ZNF836: variants seen among roughly 807,000 people sequenced by gnomAD.
ZNF836 encodes the protein zinc finger protein 836.
Under a neutral mutation model 7.4 loss-of-function variants are expected in ZNF836, and 12 were observed. The observed-to-expected ratio is 1.61, with a 90% CI of 1.03 to 2.61. The LOEUF is 2.61. ZNF836 is among the 30% of genes most tolerant of loss of function. The pLI is 0.00. For missense variants in ZNF836, 998 were observed against 1,126.2 expected, an observed-to-expected ratio of 0.89 and a Z score of 1.63; for synonymous variants, 365 against 382.6, an observed-to-expected ratio of 0.95 and a Z score of 0.54.
chr19:52,155,766 T>C lies in ZNF836; in HGVS notation c.1917A>G (p.Gln639=), dbSNP rs1446050233. 25 of 1,614,000 alleles carry C rather than the reference T, an allele frequency of 1.5e-5. No individual in the cohort carries two copies. The highest frequency in any genetic ancestry group is 2.1e-5 in the Non-Finnish European group (25 of 1,179,970). Residue 639 remains glutamine (Q), a synonymous_variant, in exon 5 of 5, where the codon CAA becomes CAG. Coordinates refer to ENST00000682614, the MANE Select transcript of ZNF836 (RefSeq NM_001102657.3). ...KRIHTGEKPF[Q]CNECGKVFSY... ...TGAAAACCTTGCCGCATTCGTTACA[T>C]TGAAACGGCTTCTCTCCAGTATGAA...
intron 3 of ZNF836, among the ~76,000 whole-genome samples, chr19:52,167,130 G>A (rs531409880): frequency 1.3e-5 from 2 of 151,888 alleles, no homozygotes; most frequent in South Asian, 4.2e-4. Flanking sequence ...GACGGATACA[G>A]TGACAATGGC....
chr19:52,166,531 T>C (rs2089265251), intron 3 of ZNF836, among the ~76,000 whole-genome samples: 1 of 151,474 alleles, frequency 6.6e-6, no homozygotes, highest in South Asian at 2.1e-4. Context: ...ATTTCATATA[T>C]AATAAAATAT....
chr19:52,163,120 G>C (rs1191602840), intron 3 of ZNF836, among the ~76,000 whole-genome samples: 1 of 152,128 alleles, frequency 6.6e-6, no homozygotes, highest in Non-Finnish European at 1.5e-5. Context: ...TCAAGGCCCT[G>C]GCACTCTGGA....
At chr19:52,168,220 C>A in intron 2 of ZNF836, 68 bp from the exon 3 acceptor site, 1 of 1,044,654 alleles carries the variant, frequency 9.6e-7, no homozygotes, top group East Asian at 2.5e-5. Flanking sequence ...ACAACCATGC[C>A]CACAGGGAAG....
intron 3 of ZNF836, among the ~76,000 whole-genome samples, chr19:52,164,376 G>A (rs11669583): frequency 0.41 from 59,045 of 143,878 alleles, 12,577 homozygotes; most frequent in African/African-American, 0.51. Flanking sequence ...CCGGGCAACA[G>A]GAGTGAAACT....
Position 52,156,189 on chromosome 19 carries a change from G to A in ZNF836, c.1494C>T (p.Tyr498=). 6.2e-7 allele frequency: 1 copy of A among 1,614,158 alleles called. No individual in the cohort carries two copies. The highest frequency in any genetic ancestry group is 1.3e-5 in the African/African-American group (1 of 75,032). ...HRRIHTGEKP[Y]KCDKCGKAFK... The stretch of plus-strand genomic sequence containing the variant: ...AGGCTTTACCACATTTATCACATTT[G>A]TAAGGTTTCTCTCCAGTATGAATTC... Residue 498 remains tyrosine (Y), a synonymous_variant, in exon 5 of 5, where the codon TAC becomes TAT. Transcript: ENST00000682614.
Position 52,155,934 on chromosome 19 carries a change from T to A in ZNF836, c.1749A>T (p.Gln583His). 6.2e-7 allele frequency: 1 copy of A among 1,614,024 alleles called. No individual in the cohort carries two copies. The highest frequency in any genetic ancestry group is 8.5e-7 in the Non-Finnish European group (1 of 1,179,898). ...KRIHTGEKPF[Q>H]CNECGTVFRN... ...TGAAGACTGTGCCACATTCATTACATTGGAAAGGTTTCTCTCCCGTATGTA... is the reference window on the plus strand; with the variant it reads ...TGAAGACTGTGCCACATTCATTACAATGGAAAGGTTTCTCTCCCGTATGTA... Residue 583 changes from glutamine (Q) to histidine (H), a missense_variant, in exon 5 of 5, where the codon CAA (glutamine) becomes CAT (histidine). By Grantham distance (24) the Gln-to-His change is conservative. Transcript: ENST00000682614.
chr19:52,168,273 C>G (rs2089282809), intron 2 of ZNF836, 121 bp from the exon 3 acceptor site: 1 of 593,702 alleles, frequency 1.7e-6, no homozygotes, highest in Non-Finnish European at 2.9e-6. Flanking sequence ...CAGGGGGATG[C>G]AAGGATAATA....
rs777631862 is a variant in ZNF836 at position 52,156,938 on chromosome 19, T to C, written c.745A>G (p.Asn249Asp). ...VHTTEKPYKCNECGKAFHRGS... is the reference protein window; with the variant it reads ...VHTTEKPYKCDECGKAFHRGS... The stretch of plus-strand genomic sequence containing the variant: ...CGATGAAAGGCTTTGCCACATTCAT[T>C]GCATTTGTAAGGTTTCTCTGTAGTA... Residue 249 changes from asparagine to aspartate, a missense_variant, in exon 5 of 5, where the codon AAT becomes GAT. Physicochemically the swap from Asn to Asp is conservative, Grantham distance 23 (BLOSUM62 1). Coordinates refer to ENST00000682614, the MANE Select transcript of ZNF836 (RefSeq NM_001102657.3). The C allele has an allele frequency of 1.1e-5, 17 of 1,614,072 alleles. No individual in the cohort carries two copies. Among genetic ancestry groups the C allele is most frequent in the Non-Finnish European group, 1.2e-5 (14 of 1,180,034 alleles).
chr19:52,157,999 C>T (rs1346763774), intron 4 of ZNF836, among the ~76,000 whole-genome samples: 3 of 152,024 alleles, frequency 2.0e-5, no homozygotes, highest in Non-Finnish European at 4.4e-5. Context: ...AACTTTACCA[C>T]AATGATCTTC....
At chr19:52,160,688 G>A in intron 3 of ZNF836, 97 bp from the exon 4 acceptor site, 1 of 1,439,580 alleles carries the variant, frequency 6.9e-7, no homozygotes, top group Non-Finnish European at 9.3e-7. Context: ...ATTTGATTGT[G>A]TGTTTTCACA....
rs1287440091 is a variant in ZNF836, at chr19:52,155,789, G to A, written c.1894C>T (p.His632Tyr). The A allele has an allele frequency of 3.7e-6, 6 of 1,613,894 alleles. No homozygotes were observed. The Admixed American group carries it at 1.0e-4, about 27-fold the overall frequency. ...SGNLSNHKRI[H>Y]TGEKPFQCNE... Reference sequence around the variant, plus strand: ...CATTGAAACGGCTTCTCTCCAGTATGAATTCTCTTATGATTTGAAAGGTTT... The same window carrying A: ...CATTGAAACGGCTTCTCTCCAGTATAAATTCTCTTATGATTTGAAAGGTTT... Residue 632 changes from histidine (H) to tyrosine (Y), a missense_variant, in exon 5 of 5, where the codon CAT becomes TAT. His to Tyr is a moderately conservative substitution (Grantham distance 83). Coordinates refer to ENST00000682614, the MANE Select transcript of ZNF836 (RefSeq NM_001102657.3).
chr19:52,164,253 C>T (rs183194247), intron 3 of ZNF836, among the ~76,000 whole-genome samples: 181 of 151,842 alleles, frequency 1.2e-3, no homozygotes, highest in African/African-American at 4.2e-3. Flanking sequence ...ATTAGCCAGG[C>T]TTGGTGGTGC....
rs1386315555 is a variant in ZNF836, at chr19:52,154,133, C to G, written c.*739G>C. 6.7e-6 allele frequency: 1 copy of G among 149,380 alleles called. No homozygotes were observed. Among genetic ancestry groups the G allele is most frequent in the Non-Finnish European group, 1.5e-5 (1 of 67,686 alleles). 9.3% of individuals were successfully genotyped at this position (149,380 alleles called of 1,614,324 possible). On this transcript the variant is annotated 3_prime_UTR_variant, in exon 5 of 5. Coordinates refer to ENST00000682614, the MANE Select transcript of ZNF836 (RefSeq NM_001102657.3). The stretch of plus-strand genomic sequence containing the variant: ...TGGCACGATCTTGGCTCACTGCAAC[C>G]TCTGTCTCCTGGGTTCAAGTGATCC...
Position 52,157,530 on chromosome 19 carries a change from A to G in ZNF836, c.153T>C (p.Pro51=), listed in dbSNP as rs17696575. ...YRNLVFLGIL[P]KCMTKELPPI... ...GTGGTAATTCCTTGGTCATACATTTAGGAAGGATACCTACAAAATATAATG... is the reference window on the plus strand; with the variant it reads ...GTGGTAATTCCTTGGTCATACATTTGGGAAGGATACCTACAAAATATAATG... Residue 51 remains proline, a synonymous_variant, in exon 5 of 5, where the codon CCT becomes CCC. Coordinates refer to ENST00000682614, the MANE Select transcript of ZNF836 (RefSeq NM_001102657.3). 241,127 of 1,509,026 alleles carry G rather than the reference A, an allele frequency of 0.16. 21,725 individuals carry two copies. Among genetic ancestry groups the G allele is most frequent in the South Asian group, 0.35 (25,708 of 73,270 alleles). 93.5% of individuals were successfully genotyped at this position (1,509,026 alleles called of 1,614,324 possible).
Position 52,155,169 on chromosome 19 carries a change from T to C in ZNF836, c.2514A>G (p.Glu838=). The C allele has an allele frequency of 5.6e-6, 9 of 1,614,090 alleles. No homozygotes were observed. The highest frequency in any genetic ancestry group is 7.6e-6 in the Non-Finnish European group (9 of 1,179,988). The change falls in exon 5 of 5, where the codon GAA becomes GAG. Residue 838 remains glutamate, a synonymous_variant. Coordinates refer to ENST00000682614, the MANE Select transcript of ZNF836 (RefSeq NM_001102657.3). ...ACCTTTCAATAAAAGCTTTACCACA[T>C]TCATTACATTTGTAAGGTTTGTCCC... ...HTGDKPYKCN[E]CGKAFIERSK... is the part of the protein sequence containing the mutation.
intron 1 of ZNF836, among the ~76,000 whole-genome samples, chr19:52,170,581 GC>G (rs912982199): frequency 1.4e-4 from 22 of 151,996 alleles, no homozygotes; most frequent in African/African-American, 5.1e-4. Context: ...CTATTTTGCT[GC>G]CTTTCATCTC....
At chr19:52,157,640 A>C in intron 4 of ZNF836, 100 bp from the exon 5 acceptor site, 1 of 1,170,626 alleles carries the variant, frequency 8.5e-7, no homozygotes, top group Non-Finnish European at 1.1e-6. Flanking sequence ...GCACAATCTC[A>C]GCTCACTGTG....
intron 3 of ZNF836, among the ~76,000 whole-genome samples, chr19:52,162,116 G>A (rs2089217905): frequency 6.6e-6 from 1 of 152,164 alleles, no homozygotes; most frequent in African/African-American, 2.4e-5. Flanking sequence ...GGGGATCCCT[G>A]CCCTAGTGGT....
Sources: allele counts gnomAD v4.1 joint callset (sites outside exome capture counted in the v4.1 genomes callset), GRCh38; gene constraint gnomAD v4.1.1; transcripts MANE v1.5; gene names NCBI Gene and HGNC (gene_info 2026-07-23, HGNC 2026-07-21).